PCNX2: variants seen among roughly 807,000 people sequenced by gnomAD.
PCNX2 encodes pecanex-like protein 2.
In PCNX2, 168 loss-of-function variants were observed where a neutral mutation model predicts 223.8. The observed-to-expected ratio is 0.75, with a 90% CI of 0.66 to 0.85. The LOEUF is 0.85. Ranked by LOEUF, PCNX2 falls within the 40% of genes least tolerant of loss-of-function variation. The pLI is 0.00. For synonymous variants in PCNX2, 1,006 were observed against 1,052.6 expected (o/e 0.96, Z 0.86); for missense variants, 2,507 against 2,675.5 (o/e 0.94, Z 1.39).
At chr1:233,265,994 G>A (rs1660310808) in intron 1 of PCNX2, among the ~76,000 whole-genome samples, 1 of 152,182 alleles carries the variant, frequency 6.6e-6, no homozygotes, top group African/African-American at 2.4e-5. Context: ...GTTACCATGA[G>A]TACTAGCATC....
intron 19 of PCNX2, among the ~76,000 whole-genome samples, chr1:233,142,460 C>T (rs941117889): frequency 1.3e-5 from 2 of 152,208 alleles, no homozygotes; most frequent in East Asian, 3.9e-4. Flanking sequence ...TGTGCTCCTG[C>T]CATCTTGGTT....
chr1:233,140,218 T>C (rs771609093), intron 19 of PCNX2, among the ~76,000 whole-genome samples: 15 of 152,180 alleles, frequency 9.9e-5, no homozygotes, highest in Non-Finnish European at 1.9e-4. Context: ...CCCTTATGTC[T>C]GTCTCCTTTT....
intron 28 of PCNX2, among the ~76,000 whole-genome samples, chr1:233,013,815 G>C (rs567809514): frequency 6.6e-6 from 1 of 152,154 alleles, no homozygotes; most frequent in Non-Finnish European, 1.5e-5. Context: ...CCCACCCACA[G>C]AGGTGCTGAT....
At position 233,126,363 on chromosome 1, in the gene PCNX2, T is replaced by C. The variant is rs896822268; in HGVS notation, c.3837+8650A>G. Among the ~76,000 whole-genome samples, 1 of 152,198 alleles carries C rather than the reference T, an allele frequency of 6.6e-6. No individual in the cohort carries two copies. Among genetic ancestry groups the C allele is most frequent in the Admixed American group, 6.5e-5 (1 of 15,284 alleles). ...ACTCATCAAATTATGGTATATGCTA[T>C]AGCATTCTCTGCAGGGGTCAAAAGG... On this transcript the variant is annotated intron_variant, in intron 21 of 33. Transcript: ENST00000258229. The surrounding 1 kb of genome is among the most constrained non-coding windows in gnomAD (Gnocchi z 4.8).
chr1:233,238,102 T>G (rs1420169859), intron 8 of PCNX2, among the ~76,000 whole-genome samples: 1 of 152,196 alleles, frequency 6.6e-6, no homozygotes, highest in Non-Finnish European at 1.5e-5. Context: ...GCATTAAACC[T>G]CCGAATTCAC....
intron 8 of PCNX2, among the ~76,000 whole-genome samples, chr1:233,246,128 G>C (rs1168030742): frequency 6.6e-6 from 1 of 152,084 alleles, no homozygotes; most frequent in Non-Finnish European, 1.5e-5. Context: ...ATGCCCTTCA[G>C]ATGGGATGAA....
Position 233,241,078 on chromosome 1 carries a change from A to G in PCNX2, c.2223-4098T>C, listed in dbSNP as rs1051637262. 8.0e-6 allele frequency: 6 copies of G among 747,596 alleles called. No individual in the cohort carries two copies. In the Admixed American group the frequency reaches 1.9e-4, roughly 23 times the overall value. 46.3% of individuals were successfully genotyped at this position (747,596 alleles called of 1,614,324 possible). A position where few individuals can be genotyped will look rare whatever the true frequency, so the allele number is the denominator to read the frequency against. On this transcript the variant is annotated intron_variant, in intron 8 of 33. Transcript: ENST00000258229. ...ACACAGAAATGAAAGTCCCAGCAAC[A>G]TGTTCAACATGTAGGATGTTTAACT...
Position 233,252,355 on chromosome 1 carries a change from A to G in PCNX2, c.2127T>C (p.His709=), listed in dbSNP as rs1021128500. The G allele has an allele frequency of 7.5e-6, 12 of 1,604,052 alleles. No homozygotes were observed. In the African/African-American group the frequency reaches 1.1e-4, roughly 14 times the overall value. The change falls in exon 7 of 34, where the codon CAT becomes CAC. Residue 709 remains histidine, a splice_region_variant and synonymous_variant. Transcript: ENST00000258229. ...VDAMHVFIDE[H]GEIRSCYLKS... ...TAGTAAAGAGCTCCAAAGACTCACC[A>G]TGTTCATCAATGAAGACATGCATAG...
chr1:233,267,283 T>C (rs1408199832), intron 1 of PCNX2, among the ~76,000 whole-genome samples: 1 of 152,008 alleles, frequency 6.6e-6, no homozygotes, highest in East Asian at 1.9e-4. Context: ...CACGCACCAT[T>C]GCACTCTAGC....
chr1:233,293,992 TG>T (rs1661924012), intron 1 of PCNX2: 1 of 985,314 alleles, frequency 1.0e-6, no homozygotes, highest in South Asian at 4.7e-5. Context: ...GAAATAAACT[TG>T]CATTTATTGC....
intron 10 of PCNX2, 48 bp from the exon 11 acceptor site, chr1:233,218,232 A>AAAAAT: frequency 1.1e-6 from 1 of 913,414 alleles, no homozygotes; most frequent in Non-Finnish European, 1.5e-6. Context: ...AAAAAAAAAA[A>AAAAAT]GTGTAAGTTT....
At chr1:233,087,272 AAG>A (rs1673653813) in intron 23 of PCNX2, 2 of 942,994 alleles carry the variant, frequency 2.1e-6, no homozygotes, top group South Asian at 4.9e-5. Context: ...GGTGAAAAGA[AAG>A]AGGAAGCCAG....
intron 12 of PCNX2, among the ~76,000 whole-genome samples, chr1:233,209,443 A>G (rs992643514): frequency 3.3e-5 from 5 of 152,228 alleles, no homozygotes; most frequent in African/African-American, 1.2e-4. Flanking sequence ...TCATAAATCA[A>G]TGCACAATTT....
intron 5 of PCNX2, 89 bp downstream of exon 5, chr1:233,257,939 T>C: frequency 6.8e-7 from 1 of 1,466,826 alleles, no homozygotes; most frequent in Admixed American, 2.5e-5. Flanking sequence ...TGTCTCACTA[T>C]TTGCAAAATC....
chr1:233,202,180 A>C (rs1226968385), intron 13 of PCNX2: 2 of 467,080 alleles, frequency 4.3e-6, no homozygotes, highest in Non-Finnish European at 8.9e-6. Context: ...TGACACTTGA[A>C]ATTGCTGAAA....
At chr1:233,296,764 G>T (rs1322031624), upstream of PCNX2, among the ~76,000 whole-genome samples, 4 of 152,198 alleles carry the variant, frequency 2.6e-5, no homozygotes, top group Non-Finnish European at 2.9e-5. Context: ...GTGCCTGCCT[G>T]TGTCCTGGCC....
rs145551117 is a variant in PCNX2, at chr1:233,072,719, C to G, written c.4077-15429G>C. ...TATTAATTGATTGTTATGTGTTAAACCACCCTAGCATTCTCATCTGGTCAC... is the reference window on the plus strand; with the variant it reads ...TATTAATTGATTGTTATGTGTTAAAGCACCCTAGCATTCTCATCTGGTCAC... On this transcript the variant is annotated intron_variant, in intron 23 of 33. Coordinates refer to ENST00000258229, the MANE Select transcript of PCNX2 (RefSeq NM_014801.4). Among the ~76,000 whole-genome samples, 164 of 152,192 alleles carry G rather than the reference C, an allele frequency of 1.1e-3. 1 individual carries two copies. Among genetic ancestry groups the G allele is most frequent in the African/African-American group, 3.8e-3 (156 of 41,534 alleles).
At chr1:233,246,879 T>A (rs1659156232) in intron 8 of PCNX2, among the ~76,000 whole-genome samples, 1 of 152,240 alleles carries the variant, frequency 6.6e-6, no homozygotes, top group Non-Finnish European at 1.5e-5. Flanking sequence ...GCCTGATAGC[T>A]GGTTCTTATT....
At chr1:233,197,114 G>A (rs754778587) in intron 15 of PCNX2, among the ~76,000 whole-genome samples, 4 of 152,174 alleles carry the variant, frequency 2.6e-5, no homozygotes, top group East Asian at 3.8e-4. Flanking sequence ...GCTGGAGATA[G>A]GGGAAGAGAC....
Sources: gnomAD v4.1 joint callset for allele counts (sites outside exome capture counted in the v4.1 genomes callset) on GRCh38, gnomAD v4.1.1 for gene constraint, Gnocchi (gnomAD v3.1) non-coding constraint, MANE v1.5 for transcripts, NCBI Gene and HGNC (gene_info 2026-07-23, HGNC 2026-07-21) for gene names.